Variants in MAPK6 observed in about 807,000 individuals in gnomAD.
The protein encoded by MAPK6 is ERK-3.
Under a neutral mutation model 59.3 loss-of-function variants are expected in MAPK6, and 19 were observed. That is an observed-to-expected ratio of 0.32 (90% confidence interval 0.22 to 0.47). The LOEUF is 0.47. MAPK6 is among the 20% of genes least tolerant of loss of function. The probability of loss-of-function intolerance (pLI) is 1.00; values close to 1 mark genes in which losing one functional copy is unlikely to be tolerated. For synonymous variants in MAPK6, 316 were observed against 290.3 expected, an observed-to-expected ratio of 1.09 and a Z score of -0.90; for missense variants, 724 against 847.9, an observed-to-expected ratio of 0.85 and a Z score of 1.81.
At chr15:52,005,535 A>T (rs1266286403) in intron 3 of MAPK6, among the ~76,000 whole-genome samples, 1 of 152,042 alleles carries the variant, frequency 6.6e-6, no homozygotes, top group African/African-American at 2.4e-5. Flanking sequence ...CTCAAAAAAA[A>T]AAAAGAGAGA....
chr15:52,032,893 C>T (rs2031094512), intron 1 of MAPK6, among the ~76,000 whole-genome samples: 1 of 152,102 alleles, frequency 6.6e-6, no homozygotes, highest in African/African-American at 2.4e-5. Flanking sequence ...CCATGTTGGT[C>T]AGGCTGGTCT....
rs564983645 is a variant in MAPK6, at chr15:51,980,016, C to T, written c.-879-3190C>T. ...AAATTAAAATTAGAAGTAGAAGGGC[C>T]GGGCGCGGTGGCTCACACCTGTAAT... is the stretch of plus-strand genomic sequence containing the variant. On this transcript the variant is annotated intron_variant, in intron 1 of 7. Transcript: ENST00000691380. 1.2e-3 allele frequency among the ~76,000 whole-genome samples: 179 copies of T among 151,118 alleles called. 2 individuals carry two copies. Among genetic ancestry groups the T allele is most frequent in the Non-Finnish European group, 2.2e-3 (151 of 67,768 alleles).
Position 52,050,080 on chromosome 15 carries a change from A to G in MAPK6, c.643A>G (p.Met215Val), listed in dbSNP as rs1382300618. 2 of 1,613,210 alleles carry G rather than the reference A, an allele frequency of 1.2e-6. No individual in the cohort carries two copies. Among genetic ancestry groups the G allele is most frequent in the African/African-American group, 1.3e-5 (1 of 74,834 alleles). The change falls in exon 3 of 6, where the codon ATG becomes GTG. Residue 215 changes from methionine (M) to valine (V), a missense_variant. Physicochemically the swap from Met to Val is conservative, Grantham distance 21 (BLOSUM62 1). Coordinates refer to ENST00000261845, the MANE Select transcript of MAPK6 (RefSeq NM_002748.4). ...SPNNYTKAID[M>V]WAAGCIFAEM... ...TAATAATTATACTAAAGCCATTGAC[A>G]TGTGGGCTGCAGGCTGCATCTTTGC...
At chr15:52,025,502 A>G (rs1177089492) in intron 1 of MAPK6, among the ~76,000 whole-genome samples, 1 of 152,192 alleles carries the variant, frequency 6.6e-6, no homozygotes, top group East Asian at 1.9e-4. Flanking sequence ...ATTTAATTTT[A>G]ATTCCTTTAA....
At chr15:51,997,382 C>T (rs1046440538) in intron 2 of MAPK6, among the ~76,000 whole-genome samples, 9 of 151,406 alleles carry the variant, frequency 5.9e-5, no homozygotes, top group African/African-American at 2.2e-4. Context: ...AATGATTCTC[C>T]TGCCTCAGCC....
chr15:51,988,521 C>T (rs1156322475), intron 2 of MAPK6, among the ~76,000 whole-genome samples: 1 of 151,992 alleles, frequency 6.6e-6, no homozygotes, highest in East Asian at 1.9e-4. Flanking sequence ...GTCACAAGGG[C>T]AGGAGTTCAA....
At chr15:52,020,817 A>G (rs1007148005) in intron 1 of MAPK6, among the ~76,000 whole-genome samples, 3 of 152,270 alleles carry the variant, frequency 2.0e-5, no homozygotes, top group Non-Finnish European at 4.4e-5. Context: ...CAGGGATTGT[A>G]AAGTCATTTC....
intron 2 of MAPK6, among the ~76,000 whole-genome samples, chr15:51,993,295 A>G (rs1316928587): frequency 2.6e-5 from 4 of 152,184 alleles, no homozygotes; most frequent in Admixed American, 2.6e-4. Flanking sequence ...TATTAGAACA[A>G]AAGATCCTCC....
rs576338573 is a variant in MAPK6 at position 52,052,457 on chromosome 15, A to G, written c.700+2320A>G. ...CAATTTATTTAAATAATATAGTTCC[A>G]TATTTTTTAGTATATTTACAGAGTT... On this transcript the variant is annotated intron_variant, in intron 3 of 5. Transcript: ENST00000261845. 1.4e-4 allele frequency among the ~76,000 whole-genome samples: 21 copies of G among 152,314 alleles called. No individual in the cohort carries two copies. The East Asian group carries it at 2.7e-3, about 20-fold the overall frequency.
At chr15:52,003,761 T>C (rs2057249657) in intron 2 of MAPK6, among the ~76,000 whole-genome samples, 2 of 152,282 alleles carry the variant, frequency 1.3e-5, no homozygotes, top group Non-Finnish European at 2.9e-5. Context: ...AGCCTCCTGT[T>C]GCTGATGCAA....
chr15:52,039,509 CTT>C (rs11341546), intron 1 of MAPK6, among the ~76,000 whole-genome samples: 1,425 of 85,834 alleles, frequency 0.017, 18 homozygotes, highest in African/African-American at 0.051. Flanking sequence ...AGTGTTTTGT[CTT>C]TTTTTTTTTT....
At chr15:51,989,015 A>C (rs1313776893) in intron 2 of MAPK6, among the ~76,000 whole-genome samples, 2 of 151,764 alleles carry the variant, frequency 1.3e-5, no homozygotes, top group Non-Finnish European at 2.9e-5. Context: ...TTCTAAGGAC[A>C]TATGTAATTC....
At chr15:52,055,639 C>T (rs560351673) in intron 3 of MAPK6, among the ~76,000 whole-genome samples, 2 of 152,214 alleles carry the variant, frequency 1.3e-5, no homozygotes, top group Admixed American at 1.3e-4. Context: ...CCTCAGCCTC[C>T]CGAGTAGCTG....
At chr15:51,983,951 A>G (rs893156709) in intron 2 of MAPK6, among the ~76,000 whole-genome samples, 48 of 151,858 alleles carry the variant, frequency 3.2e-4, no homozygotes, top group African/African-American at 1.1e-3. Context: ...ATGCCACTTC[A>G]CTCTAGTCTG....
intron 2 of MAPK6, among the ~76,000 whole-genome samples, chr15:51,983,907 A>G (rs1028689196): frequency 1.3e-5 from 2 of 151,998 alleles, no homozygotes; most frequent in Non-Finnish European, 2.9e-5. Context: ...AAATATTTCC[A>G]TGTCTAAGTT....
chr15:51,984,966 A>G (rs1003216201), intron 2 of MAPK6, among the ~76,000 whole-genome samples: 1 of 152,228 alleles, frequency 6.6e-6, no homozygotes. Context: ...TATCACTACT[A>G]TAATCAACAA....
At chr15:52,013,773 G>A (rs1420682712) in intron 3 of MAPK6, among the ~76,000 whole-genome samples, 5 of 152,304 alleles carry the variant, frequency 3.3e-5, no homozygotes, top group East Asian at 3.9e-4. Context: ...CCAGAAGACC[G>A]TACATTGGAT....
intron 2 of MAPK6, among the ~76,000 whole-genome samples, chr15:52,049,500 G>T (rs2031708549): frequency 6.6e-6 from 1 of 150,484 alleles, no homozygotes; most frequent in South Asian, 2.1e-4. Context: ...GCTAATTCTT[G>T]TATTTTTAGT....
At chr15:51,983,478 TCAAAA>T (rs1010232519) in intron 2 of MAPK6, among the ~76,000 whole-genome samples, 1 of 141,736 alleles carries the variant, frequency 7.1e-6, no homozygotes, top group African/African-American at 2.7e-5. Flanking sequence ...AAACTCCGTC[TCAAAA>T]CAAGCAAACA....
Sources: gnomAD v4.1 joint callset for allele counts (sites outside exome capture counted in the v4.1 genomes callset) on GRCh38, gnomAD v4.1.1 for gene constraint, MANE v1.5 for transcripts, NCBI Gene and HGNC (gene_info 2026-07-23, HGNC 2026-07-21) for gene names.